The following SMG1 variants were observed in gnomAD, a reference collection of about 807,000 sequenced individuals.
SMG1 encodes SMG1 nonsense mediated mRNA decay associated PI3K related kinase.
In SMG1, 22 loss-of-function variants were observed where a neutral mutation model predicts 419.9. That is an observed-to-expected ratio of 0.05 (90% CI 0.04 to 0.07). SMG1 has a LOEUF of 0.07. SMG1 is among the 10% of genes least tolerant of loss of function. SMG1 has a pLI of 1.00. For missense variants in SMG1, 3,185 were observed against 4,342.0 expected, an observed-to-expected ratio of 0.73 and a Z score of 7.49; for synonymous variants, 1,538 against 1,553.5, an observed-to-expected ratio of 0.99 and a Z score of 0.23.
Position 18,858,177 on chromosome 16 carries a change from T to A in SMG1, c.4227A>T (p.Lys1409Asn). Residue 1409 changes from lysine to asparagine, a missense_variant, in exon 29 of 63, where the codon AAA (lysine) becomes AAT (asparagine). By Grantham distance (94) the Lys-to-Asn change is moderately conservative. This residue lies in a region of SMG1 where 493 missense variants were observed against 552.9 expected (regional missense o/e 0.89). Transcript: ENST00000446231. ...GAAAAAAAAACCACTTACCTTTAATTTTCTCCAACAACTGATTCTGGTACA... is the reference window on the plus strand; with the variant it reads ...GAAAAAAAAACCACTTACCTTTAATATTCTCCAACAACTGATTCTGGTACA... ...YTMYQNQLLE[K>N]IKEQTVPIRS... 6.4e-7 allele frequency: 1 copy of A among 1,555,292 alleles called. No individual in the cohort carries two copies. The highest frequency in any genetic ancestry group is 1.2e-5 in the South Asian group (1 of 81,700).
In SMG1 at chr16:18,808,948, T is replaced by A. The variant is rs1338862784; in HGVS notation, c.*621A>T. 1 of 152,588 alleles carries A rather than the reference T, an allele frequency of 6.6e-6. No homozygotes were observed. Among genetic ancestry groups the A allele is most frequent in the African/African-American group, 2.4e-5 (1 of 41,430 alleles). 9.5% of individuals were successfully genotyped at this position (152,588 alleles called of 1,614,324 possible). The stretch of plus-strand genomic sequence containing the variant: ...GAACGATGGGGTGGTTTTTTTCCCT[T>A]CATTTCAGAAGTAAGTTCTTCTACT... On this transcript the variant is annotated 3_prime_UTR_variant, in exon 63 of 63. Coordinates refer to ENST00000446231, the MANE Select transcript of SMG1 (RefSeq NM_015092.5).
intron 57 of SMG1, 24 bp downstream of exon 57, chr16:18,817,267 A>G (rs1222149460): frequency 6.3e-7 from 1 of 1,583,592 alleles, no homozygotes; most frequent in South Asian, 1.2e-5. Flanking sequence ...TTATTTAATC[A>G]AGTTTCTTTC....
intron 20 of SMG1, 50 bp downstream of exon 20, chr16:18,869,054 T>G: frequency 6.8e-7 from 1 of 1,475,636 alleles, no homozygotes; most frequent in African/African-American, 1.4e-5. Context: ...ATCCAGTATT[T>G]CTTAATAAGG....
At chr16:18,921,600 C>T (rs1164374622) in intron 1 of SMG1, among the ~76,000 whole-genome samples, 2 of 151,900 alleles carry the variant, frequency 1.3e-5, no homozygotes, top group Non-Finnish European at 2.9e-5. Flanking sequence ...TTTGCCAAAA[C>T]CGCAATTACT....
chr16:18,908,337 C>T (rs925407475), intron 1 of SMG1, among the ~76,000 whole-genome samples: 16 of 150,326 alleles, frequency 1.1e-4, no homozygotes, highest in African/African-American at 3.7e-4. Context: ...TACACTCCAG[C>T]CTGGAGAACA....
At chr16:18,869,806 A>G (rs2035714418) in intron 19 of SMG1, 48 bp downstream of exon 19, 5 of 1,526,716 alleles carry the variant, frequency 3.3e-6, no homozygotes, top group Non-Finnish European at 3.6e-6. Context: ...AGTCAAAAGA[A>G]TCTTAAAATT....
At position 18,852,332 on chromosome 16, in the gene SMG1, C is replaced by T; in HGVS notation, c.4899G>A (p.Val1633=). The T allele has an allele frequency of 6.2e-7, 1 of 1,611,806 alleles. No individual in the cohort carries two copies. The change falls in exon 32 of 63, where the codon GTG becomes GTA. Residue 1633 remains valine, a synonymous_variant. Coordinates refer to ENST00000446231, the MANE Select transcript of SMG1 (RefSeq NM_015092.5). ...TTTAAACATACCTGGCATTGTCAACCACCTTTCTGCCCCACCTATAAGCCC... is the reference window on the plus strand; with the variant it reads ...TTTAAACATACCTGGCATTGTCAACTACCTTTCTGCCCCACCTATAAGCCC... ...ASWAYRWGRK[V]VDNASQGEGV...
chr16:18,850,331 A>G lies in SMG1; in HGVS notation c.5189T>C (p.Ile1730Thr). 6.2e-7 allele frequency: 1 copy of G among 1,613,982 alleles called. No homozygotes were observed. Among genetic ancestry groups the G allele is most frequent in the Non-Finnish European group, 8.5e-7 (1 of 1,179,872 alleles). ...ELDESATEGVIKVWRKVVDRI... is the reference protein window; with the variant it reads ...ELDESATEGVTKVWRKVVDRI... ...ATCTACAACTTTCCTCCACACTTTA[A>G]TAACTCCTTCAGTTGCACTTTCATC... is the stretch of plus-strand genomic sequence containing the variant. Residue 1730 changes from isoleucine to threonine, a missense_variant, in exon 34 of 63, where the codon ATT becomes ACT. Physicochemically the swap from Ile to Thr is moderately conservative, Grantham distance 89. Transcript: ENST00000446231.
chr16:18,868,343 A>C lies in SMG1; in HGVS notation c.3042T>G (p.Thr1014=). 2.9e-6 allele frequency: 4 copies of C among 1,402,902 alleles called. No individual in the cohort carries two copies. The highest frequency in any genetic ancestry group is 3.9e-6 in the Non-Finnish European group (4 of 1,027,792). 86.9% of individuals were successfully genotyped at this position (1,402,902 alleles called of 1,614,324 possible). A position where few individuals can be genotyped will look rare whatever the true frequency, so the allele number is the denominator to read the frequency against. Residue 1014 remains threonine (T), a synonymous_variant, in exon 22 of 63, where the codon ACT becomes ACG. Coordinates refer to ENST00000446231, the MANE Select transcript of SMG1 (RefSeq NM_015092.5). The stretch of plus-strand genomic sequence containing the variant: ...AAGTTTGGCGATTGGTATAGAAAAA[A>C]GTTCTAATGACCTTTACGATAAGAG... ...ALTSPPKVIR[T]FFYTNRQTCQ...
chr16:18,894,529 A>T (rs1474211163), intron 3 of SMG1, among the ~76,000 whole-genome samples: 1 of 152,180 alleles, frequency 6.6e-6, no homozygotes, highest in Non-Finnish European at 1.5e-5. Flanking sequence ...CAGGCTTCAA[A>T]TACTCTATTT....
rs1318705507 is a variant in SMG1, at chr16:18,807,881, TC to T, written c.*1687del. On this transcript the variant is annotated 3_prime_UTR_variant, in exon 63 of 63. Coordinates refer to ENST00000446231, the MANE Select transcript of SMG1 (RefSeq NM_015092.5). ...TTCACGCCATTCTCCTGCCTCAGCC[TC>T]CCGAGTAGCTGGGACTACAGGCGCC... 3 of 152,164 alleles carry T rather than the reference TC, an allele frequency of 2.0e-5. No individual in the cohort carries two copies. Among genetic ancestry groups the T allele is most frequent in the African/African-American group, 7.2e-5 (3 of 41,430 alleles). The allele number at this position is 152,164 out of a possible 1,614,324, so 9.4% of individuals were successfully genotyped here.
chr16:18,816,038 C>T (rs527826877), intron 58 of SMG1: 3 of 496,628 alleles, frequency 6.0e-6, no homozygotes, highest in Non-Finnish European at 7.1e-6. Flanking sequence ...AGACTAGGTT[C>T]ATATCTTGGT....
rs374454927 is a variant in SMG1, at chr16:18,811,880, A to C, written c.10802-13T>G. ...CTCTCTTGCACCGCTATGAAGCAACAAAAACATACGTAAGTCAAACCGTCA... is the reference window on the plus strand; with the variant it reads ...CTCTCTTGCACCGCTATGAAGCAACCAAAACATACGTAAGTCAAACCGTCA... On this transcript the variant is annotated splice_polypyrimidine_tract_variant and intron_variant, in intron 61 of 62. Coordinates refer to ENST00000446231, the MANE Select transcript of SMG1 (RefSeq NM_015092.5). 1.1e-5 allele frequency: 17 copies of C among 1,613,542 alleles called. No homozygotes were observed. The highest frequency in any genetic ancestry group is 1.4e-5 in the Non-Finnish European group (17 of 1,179,760).
chr16:18,821,315 A>G (rs1253817219), intron 55 of SMG1, among the ~76,000 whole-genome samples: 2 of 26,918 alleles, frequency 7.4e-5, no homozygotes, highest in East Asian at 9.4e-4. Flanking sequence ...CAGGTTAGTT[A>G]CATATGTATA....
At chr16:18,842,181 A>G (rs1451849683) in intron 40 of SMG1, 27 bp downstream of exon 40, 1 of 1,591,476 alleles carries the variant, frequency 6.3e-7, no homozygotes, top group Non-Finnish European at 8.6e-7. Context: ...TACTCTTCTG[A>G]AAAATGGAGG....
intron 60 of SMG1, among the ~76,000 whole-genome samples, chr16:18,813,246 C>T (rs1419548626): frequency 6.6e-6 from 1 of 152,230 alleles, no homozygotes; most frequent in Admixed American, 6.5e-5. Context: ...AATCACCACA[C>T]TGACTTCCAC....
At chr16:18,897,031 C>T (rs4782174) in intron 1 of SMG1, 75 bp from the exon 2 acceptor site, 74,678 of 1,073,918 alleles carry the variant, frequency 0.07, 3,145 homozygotes, top group African/African-American at 0.16. Flanking sequence ...AGCCTCTCTT[C>T]TCCCAAATTT....
intron 39 of SMG1, among the ~76,000 whole-genome samples, chr16:18,842,760 G>A (rs942714148): frequency 6.6e-6 from 1 of 152,294 alleles, no homozygotes. Context: ...AGCCCAGGGG[G>A]CAGAGGTTGC....
rs374936996 is a variant in SMG1 at position 18,850,420 on chromosome 16, T to G, written c.5100A>C (p.Glu1700Asp). The G allele has an allele frequency of 1.2e-6, 2 of 1,613,724 alleles. No individual in the cohort carries two copies. The highest frequency in any genetic ancestry group is 1.7e-6 in the Non-Finnish European group (2 of 1,179,872). ...GCCAGATAACATCAACCATGTCATC[T>G]TCTTCGTTGTCTTCACTCTCAGTTA... ...LQITESEDNE[E>D]DDMVDVIWRQ... Residue 1700 changes from glutamate (E) to aspartate (D), a missense_variant, in exon 34 of 63, where the codon GAA becomes GAC. Physicochemically the swap from Glu to Asp is conservative, Grantham distance 45. Around this residue, in one of 27 missense-constraint regions of SMG1, gnomAD observed 493 missense variants for 552.9 expected, o/e 0.89. Coordinates refer to ENST00000446231, the MANE Select transcript of SMG1 (RefSeq NM_015092.5).
Sources: allele counts gnomAD v4.1 joint callset (sites outside exome capture counted in the v4.1 genomes callset), GRCh38; gene constraint gnomAD v4.1.1; regional missense constraint gnomAD v4.1.1; transcripts MANE v1.5; gene names NCBI Gene and HGNC (gene_info 2026-07-23, HGNC 2026-07-21).